The following IL1RAPL1 variants were observed in gnomAD, a reference collection of about 807,000 sequenced individuals.
IL1RAPL1 encodes interleukin 1 receptor accessory protein like 1, also known as interleukin-1 receptor accessory protein-like 1.
IL1RAPL1 carries 3 observed loss-of-function variants against 48.4 expected under a neutral mutation model. That is an observed-to-expected ratio of 0.06 (90% CI 0.03 to 0.16). IL1RAPL1 has a LOEUF of 0.16. Among genes scored for constraint, IL1RAPL1 ranks in the 10% least tolerant of loss-of-function variants. IL1RAPL1 has a pLI of 1.00. For missense variants in IL1RAPL1, 349 were observed against 530.6 expected, an observed-to-expected ratio of 0.66 and a Z score of 3.36; for synonymous variants, 185 against 187.7, an observed-to-expected ratio of 0.99 and a Z score of 0.12.
At chrX:28,786,470 C>G (rs1308188580) in intron 1 of IL1RAPL1, among the ~76,000 whole-genome samples, 1 of 111,295 alleles carries the variant, frequency 9.0e-6, no homozygotes, top group African/African-American at 3.3e-5. Flanking sequence ...GTCTCAAAAA[C>G]AAACAAACAA....
chrX:29,386,084 C>T (rs1933773411), intron 3 of IL1RAPL1, among the ~76,000 whole-genome samples: 1 of 111,934 alleles, frequency 8.9e-6, no homozygotes, highest in South Asian at 3.7e-4. Flanking sequence ...GGCTGGAGTA[C>T]AGTAGCACGA....
intron 1 of IL1RAPL1, among the ~76,000 whole-genome samples, chrX:28,591,722 T>C (rs1047634057): frequency 4.0e-4 from 45 of 111,384 alleles, no homozygotes; most frequent in African/African-American, 1.4e-3. Flanking sequence ...CTGTGAGACA[T>C]CAAGGCATTG....
At chrX:28,815,863 AT>A (rs1936861155) in intron 2 of IL1RAPL1, among the ~76,000 whole-genome samples, 1 of 72,386 alleles carries the variant, frequency 1.4e-5, no homozygotes, top group African/African-American at 4.5e-5. Context: ...ATATATATAT[AT>A]ATATATATAT....
intron 2 of IL1RAPL1, among the ~76,000 whole-genome samples, chrX:28,842,739 A>G (rs949082098): frequency 2.7e-5 from 3 of 111,950 alleles, no homozygotes; most frequent in African/African-American, 9.7e-5. Flanking sequence ...ATTGATAGAA[A>G]ATGAGTAAGT....
chrX:28,589,326 C>A (rs1274797675), intron 1 of IL1RAPL1, among the ~76,000 whole-genome samples: 1 of 111,488 alleles, frequency 9.0e-6, no homozygotes, highest in Non-Finnish European at 1.9e-5. Flanking sequence ...GAGGCTCCAT[C>A]ACCCTGTTAA....
intron 3 of IL1RAPL1, among the ~76,000 whole-genome samples, chrX:29,382,435 A>G (rs1933723840): frequency 8.9e-6 from 1 of 111,979 alleles, no homozygotes; most frequent in African/African-American, 3.2e-5. Flanking sequence ...GAGTGTTGAC[A>G]GCTGACTGTT....
Position 28,635,781 on chromosome X carries a change from G to A in IL1RAPL1, c.-25+47734G>A, listed in dbSNP as rs747154315. ...GCTTTTGGATTACTTTTACCCCATC[G>A]TAACTTTATCATGGCGTGTGTGTGT... is the stretch of plus-strand genomic sequence containing the variant. On this transcript the variant is annotated intron_variant, in intron 1 of 10. Coordinates refer to ENST00000378993, the MANE Select transcript of IL1RAPL1 (RefSeq NM_014271.4). Among the ~76,000 whole-genome samples, 6 of 111,798 alleles carry A rather than the reference G, an allele frequency of 5.4e-5. No homozygotes were observed. In the East Asian group the frequency reaches 1.7e-3, roughly 32 times the overall value.
chrX:28,970,303 A>G (rs970514091), intron 2 of IL1RAPL1, among the ~76,000 whole-genome samples: 4 of 112,729 alleles, frequency 3.5e-5, no homozygotes, highest in Non-Finnish European at 7.5e-5. Context: ...CGCCCAGCCA[A>G]AACTTTTACA....
Position 28,712,600 on chromosome X carries a change from G to A in IL1RAPL1, c.-24-76720G>A, listed in dbSNP as rs1043594323. Among the ~76,000 whole-genome samples, 15 of 111,471 alleles carry A rather than the reference G, an allele frequency of 1.3e-4. No homozygotes were observed. In the East Asian group the frequency reaches 2.3e-3, roughly 17 times the overall value. ...AAACCATTGGATGTCTTGAAGAAGA[G>A]TAGTATTTGATTTACCCAATAAAAT... is the stretch of plus-strand genomic sequence containing the variant. On this transcript the variant is annotated intron_variant, in intron 1 of 10. Transcript: ENST00000378993.
chrX:28,847,422 T>C (rs1921537946), intron 2 of IL1RAPL1, among the ~76,000 whole-genome samples: 1 of 111,349 alleles, frequency 9.0e-6, no homozygotes, highest in Non-Finnish European at 1.9e-5. Flanking sequence ...CACTTACCAA[T>C]TGTATGATAT....
intron 3 of IL1RAPL1, among the ~76,000 whole-genome samples, chrX:29,376,222 T>C (rs899791629): frequency 8.9e-6 from 1 of 112,019 alleles, no homozygotes. Flanking sequence ...AACTTTCCTC[T>C]AAACACCACT....
intron 2 of IL1RAPL1, among the ~76,000 whole-genome samples, chrX:29,275,868 T>A (rs919043300): frequency 8.9e-6 from 1 of 112,457 alleles, no homozygotes; most frequent in East Asian, 2.8e-4. Flanking sequence ...CTTTAATGCA[T>A]GATTATTTTA....
intron 2 of IL1RAPL1, among the ~76,000 whole-genome samples, chrX:28,920,391 T>C (rs1447676325): frequency 9.0e-6 from 1 of 111,722 alleles, no homozygotes; most frequent in African/African-American, 3.3e-5. Flanking sequence ...TGCAGCAGAG[T>C]TGTTCCTAAT....
intron 2 of IL1RAPL1, among the ~76,000 whole-genome samples, chrX:28,913,061 C>G (rs1301300180): frequency 9.0e-6 from 1 of 111,585 alleles, no homozygotes; most frequent in Non-Finnish European, 1.9e-5. Flanking sequence ...TTACAAGATG[C>G]CATTCTGTAA....
intron 2 of IL1RAPL1, among the ~76,000 whole-genome samples, chrX:29,196,283 G>C (rs749630069): frequency 8.9e-6 from 1 of 112,077 alleles, no homozygotes; most frequent in Non-Finnish European, 1.9e-5. Context: ...AATAAAGAAC[G>C]ACAACTGCTT....
chrX:29,465,930 A>G, intron 5 of IL1RAPL1, among the ~76,000 whole-genome samples: 1 of 111,985 alleles, frequency 8.9e-6, no homozygotes, highest in South Asian at 3.7e-4. Context: ...TTTTCTGCAT[A>G]TATGTGTCAC....
At chrX:28,692,076 G>A (rs777572726) in intron 1 of IL1RAPL1, among the ~76,000 whole-genome samples, 145 of 110,802 alleles carry the variant, frequency 1.3e-3, no homozygotes, top group African/African-American at 4.2e-3. Flanking sequence ...CAGACAGGGG[G>A]AAGGAGCGAG....
intron 5 of IL1RAPL1, among the ~76,000 whole-genome samples, chrX:29,537,492 T>G (rs2147781311): frequency 9.2e-6 from 1 of 109,122 alleles, no homozygotes; most frequent in Admixed American, 1.0e-4. Flanking sequence ...GATAATAGAA[T>G]AACAAGCATA....
chrX:29,075,369 C>T (rs1193525792), intron 2 of IL1RAPL1, among the ~76,000 whole-genome samples: 2 of 111,410 alleles, frequency 1.8e-5, no homozygotes, highest in African/African-American at 3.3e-5. Context: ...CAGCTCACAG[C>T]TAGGATGGAG....
Sources: allele counts gnomAD v4.1 joint callset (sites outside exome capture counted in the v4.1 genomes callset), GRCh38; gene constraint gnomAD v4.1.1; transcripts MANE v1.5; gene names NCBI Gene and HGNC (gene_info 2026-07-23, HGNC 2026-07-21).